The following CROCC variants were observed in gnomAD, a reference collection of about 807,000 sequenced individuals.
CROCC encodes the protein ciliary rootlet coiled-coil, rootletin, also known as rootletin.
Under a neutral mutation model 245.2 loss-of-function variants are expected in CROCC, and 180 were observed. That is an observed-to-expected ratio of 0.73 (90% confidence interval 0.65 to 0.83). The LOEUF is 0.83. Among genes scored for constraint, CROCC ranks in the 40% least tolerant of loss-of-function variants. CROCC has a pLI of 0.00. For missense variants in CROCC, 2,688 were observed against 2,779.4 expected (o/e 0.97, Z 0.74); for synonymous variants, 1,205 against 1,241.6 (o/e 0.97, Z 0.62).
chr1:16,955,836 C>G (rs982035511), intron 24 of CROCC, among the ~76,000 whole-genome samples, 161 bp from the exon 25 acceptor site: 1 of 151,936 alleles, frequency 6.6e-6, no homozygotes, highest in Non-Finnish European at 1.5e-5. Context: ...CAGCCGAGGG[C>G]CTGGGCCCCA....
At chr1:16,971,692 G>A (rs1294430801) in intron 36 of CROCC, 45 bp downstream of exon 36, 3 of 1,428,632 alleles carry the variant, frequency 2.1e-6, no homozygotes, top group Non-Finnish European at 2.8e-6. Context: ...GGATGTGTGG[G>A]GCTGCAGAAA....
chr1:16,923,513 C>T (rs182280983), intron 2 of CROCC, among the ~76,000 whole-genome samples: 5 of 152,360 alleles, frequency 3.3e-5, no homozygotes, highest in Admixed American at 3.3e-4. Context: ...AACCCCGCTT[C>T]TCCCGCTGGC....
chr1:16,930,412 C>A lies in CROCC; in HGVS notation c.684-17C>A. ...CCCCCTGCGCGAGCGCCTACTGATC[C>A]CCTGTGCCCCATTCAGGAGTGCCAG... On this transcript the variant is annotated splice_polypyrimidine_tract_variant and intron_variant, in intron 6 of 36. Transcript: ENST00000375541. 1.2e-6 allele frequency: 2 copies of A among 1,611,100 alleles called. No individual in the cohort carries two copies. The highest frequency in any genetic ancestry group is 1.1e-5 in the South Asian group (1 of 90,822).
intron 1 of CROCC, among the ~76,000 whole-genome samples, 181 bp downstream of exon 1, chr1:16,922,259 T>A (rs2075425245): frequency 6.6e-6 from 1 of 152,246 alleles, no homozygotes; most frequent in Non-Finnish European, 1.5e-5. Flanking sequence ...ACACACAGGG[T>A]GCACCTGCTG....
At chr1:16,918,014 A>G (rs1485641929), upstream of CROCC, among the ~76,000 whole-genome samples, 1 of 110,620 alleles carries the variant, frequency 9.0e-6, no homozygotes, top group East Asian at 2.3e-4. Context: ...AATGGCTTTT[A>G]GCCATATTCC....
intron 27 of CROCC, among the ~76,000 whole-genome samples, chr1:16,964,758 C>T (rs911672168): frequency 1.3e-5 from 2 of 152,242 alleles, no homozygotes; most frequent in African/African-American, 4.8e-5. Context: ...ATTAGGAACA[C>T]TGCGAGCTCC....
At position 16,955,305 on chromosome 1, in the gene CROCC, C is replaced by T. The variant is rs749732846; in HGVS notation, c.3466-7C>T. ...CGCTGCCCTGGGGACACCTGCTGTG[C>T]TCACAGGCAGAAGAGCTTCGGACCC... On this transcript the variant is annotated splice_region_variant and splice_polypyrimidine_tract_variant and intron_variant, in intron 23 of 36. Transcript: ENST00000375541. The T allele has an allele frequency of 6.2e-7, 1 of 1,606,350 alleles. No individual in the cohort carries two copies. The highest frequency in any genetic ancestry group is 8.5e-7 in the Non-Finnish European group (1 of 1,179,310).
In CROCC at chr1:16,930,018, G is replaced by A. The variant is rs773772066; in HGVS notation, c.524G>A (p.Arg175Gln). 45 of 1,575,782 alleles carry A rather than the reference G, an allele frequency of 2.9e-5. No individual in the cohort carries two copies. Among genetic ancestry groups the A allele is most frequent in the East Asian group, 9.1e-5 (4 of 43,994 alleles). Reference protein sequence around the residue: ...GQQRQAQLVQRLQGKILQYKK... With the variant: ...GQQRQAQLVQQLQGKILQYKK... ...CAGCGGCAGGCCCAGCTTGTGCAGC[G>A]GCTGCAGGGCAAGGTCAGGACCACC... The change falls in exon 4 of 37, where the codon CGG becomes CAG. Residue 175 changes from arginine to glutamine, a missense_variant. Around this residue, in one of 9 missense-constraint regions of CROCC, gnomAD observed 972 missense variants for 895.3 expected, o/e 1.09. Coordinates refer to ENST00000375541, the MANE Select transcript of CROCC (RefSeq NM_014675.5).
At chr1:16,968,148 G>A (rs544705638) in intron 30 of CROCC, 55 bp from the exon 31 acceptor site, 66 of 1,516,052 alleles carry the variant, frequency 4.4e-5, no homozygotes, top group South Asian at 1.8e-4. Context: ...GGGCGTGTGC[G>A]GGAGGGCTGC....
At chr1:16,950,586 G>C (rs539457510) in intron 19 of CROCC, among the ~76,000 whole-genome samples, 1 of 152,218 alleles carries the variant, frequency 6.6e-6, no homozygotes, top group African/African-American at 2.4e-5. Context: ...TTGAACTCCT[G>C]ACCTAAGGTG....
rs746732879 is a variant in CROCC, at chr1:16,939,141, A to G, written c.1607A>G (p.Gln536Arg). ...SALHKRQLQV[Q>R]DMRGRYEASQ... ...CTGCACAAGCGCCAGCTGCAGGTCC[A>G]GGTAGGAAGGGGCTTGAGCGTTCTG... Residue 536 changes from glutamine to arginine, a missense_variant and splice_region_variant, in exon 12 of 37, where the codon CAG becomes CGG. This residue lies in a region of CROCC where 972 missense variants were observed against 895.3 expected (regional missense o/e 1.09). Coordinates refer to ENST00000375541, the MANE Select transcript of CROCC (RefSeq NM_014675.5). 74 of 1,489,028 alleles carry G rather than the reference A, an allele frequency of 5.0e-5. No individual in the cohort carries two copies. The highest frequency in any genetic ancestry group is 7.5e-5 in the Admixed American group (3 of 39,846). The allele number at this position is 1,489,028 out of a possible 1,614,324, so 92.2% of individuals were successfully genotyped here. A position where few individuals can be genotyped will look rare whatever the true frequency, so the allele number is the denominator to read the frequency against.
chr1:16,956,027 G>GAA lies in CROCC; in HGVS notation c.3736_3737dup (p.Leu1247SerfsTer5). The GAA allele has an allele frequency of 6.4e-7, 1 of 1,551,034 alleles. No homozygotes were observed. Among genetic ancestry groups the GAA allele is most frequent in the Non-Finnish European group, 8.7e-7 (1 of 1,147,046 alleles). On this transcript the variant is annotated frameshift_variant, in exon 25 of 37. Coordinates refer to ENST00000375541, the MANE Select transcript of CROCC (RefSeq NM_014675.5). LOFTEE classifies it high-confidence loss of function. Reference sequence around the variant, plus strand: ...AGCTTGCCAATGAGGACAAGGAGCAGAAGCTGGCACTCCTAGAGGAGGCAC... The same window carrying GAA: ...AGCTTGCCAATGAGGACAAGGAGCAGAAAAGCTGGCACTCCTAGAGGAGGCAC...
At chr1:16,937,545 T>G in intron 9 of CROCC, 96 bp from the exon 10 acceptor site, 1 of 1,051,096 alleles carries the variant, frequency 9.5e-7, no homozygotes, top group East Asian at 2.5e-5. Context: ...TTAGGGTCCC[T>G]GCCTCGGGTT....
chr1:16,941,962 A>G (rs1570642816), intron 13 of CROCC, among the ~76,000 whole-genome samples: 1 of 152,234 alleles, frequency 6.6e-6, no homozygotes, highest in East Asian at 1.9e-4. Flanking sequence ...TCGGCCTCCA[A>G]AAATGCTGGG....
chr1:16,941,252 C>G (rs1016359234), intron 13 of CROCC: 1 of 152,756 alleles, frequency 6.5e-6, no homozygotes, highest in African/African-American at 2.4e-5. Context: ...TGGTGAAACC[C>G]TGTTTCTACT....
rs995127761 is a variant in CROCC, at chr1:16,960,996, T to C, written c.4271T>C (p.Val1424Ala). ...GLEAELARVE[V>A]QRRAAEAQLG... is the part of the protein sequence containing the mutation. ...GAGGCCGAGCTGGCCCGCGTGGAGG[T>C]GCAGCGGCGCGCGGCGGAGGCCCAG... The change falls in exon 27 of 37, where the codon GTG (valine) becomes GCG (alanine). Residue 1424 changes from valine to alanine, a missense_variant. Physicochemically the swap from Val to Ala is moderately conservative, Grantham distance 64. Transcript: ENST00000375541. 7.5e-5 allele frequency: 98 copies of C among 1,312,070 alleles called. No homozygotes were observed. Among genetic ancestry groups the C allele is most frequent in the Admixed American group, 2.9e-4 (7 of 24,300 alleles). The allele number at this position is 1,312,070 out of a possible 1,614,324, so 81.3% of individuals were successfully genotyped here.
At chr1:16,948,964 C>T in intron 19 of CROCC, 38 bp downstream of exon 19, 1 of 1,604,858 alleles carries the variant, frequency 6.2e-7, no homozygotes, top group Non-Finnish European at 8.5e-7. Context: ...ACACCAGGTT[C>T]CAGCCCAGAC....
At chr1:16,933,660 G>A (rs2075728476) in intron 8 of CROCC, among the ~76,000 whole-genome samples, 1 of 152,194 alleles carries the variant, frequency 6.6e-6, no homozygotes, top group Non-Finnish European at 1.5e-5. Flanking sequence ...TCTCCCTCCT[G>A]GGTTCAGCAA....
chr1:16,947,633 A>G (rs4068833), intron 17 of CROCC, among the ~76,000 whole-genome samples: 134,686 of 152,142 alleles, frequency 0.89, 58,848 homozygotes, highest in East Asian at 0.96. Context: ...TGGAGCGCCT[A>G]GGTTTCTGGG....
Sources: gnomAD v4.1 joint callset for allele counts (sites outside exome capture counted in the v4.1 genomes callset) on GRCh38, gnomAD v4.1.1 for gene constraint, gnomAD v4.1.1 regional missense constraint, MANE v1.5 for transcripts, NCBI Gene and HGNC (gene_info 2026-07-23, HGNC 2026-07-21) for gene names.